OAT: variants seen among roughly 807,000 people sequenced by gnomAD.
The protein encoded by OAT is ornithine aminotransferase, mitochondrial.
OAT carries 35 observed loss-of-function variants against 48.4 expected under a neutral mutation model. The ratio of observed to expected loss-of-function variants is 0.72; its 90% CI spans 0.55 to 0.96. The LOEUF is 0.96. OAT is among the 40% of genes least tolerant of loss of function. OAT has a pLI of 0.00. For synonymous variants in OAT, 182 were observed against 198.4 expected, an observed-to-expected ratio of 0.92 and a Z score of 0.70; for missense variants, 438 against 537.9, an observed-to-expected ratio of 0.81 and a Z score of 1.84.
intron 5 of OAT, among the ~76,000 whole-genome samples, chr10:124,404,394 A>C (rs988454239): frequency 4.6e-5 from 7 of 151,642 alleles, no homozygotes; most frequent in Admixed American, 4.6e-4. Context: ...CAGCCTCCCA[A>C]GTAGCTGGGA....
At position 124,397,884 on chromosome 10, in the gene OAT, T is replaced by C; in HGVS notation, c.*58A>G. ...GTGCCCACATTAGGAATAAAGCTTT[T>C]ACAGGACCACCTGTCTCCAGCTGGC... On this transcript the variant is annotated 3_prime_UTR_variant, in exon 10 of 10. Transcript: ENST00000368845. The C allele has an allele frequency of 6.2e-7, 1 of 1,607,740 alleles. No homozygotes were observed. The highest frequency in any genetic ancestry group is 8.5e-7 in the Non-Finnish European group (1 of 1,175,130).
At chr10:124,413,580 G>A (rs1381596918) in intron 1 of OAT, among the ~76,000 whole-genome samples, 2 of 152,152 alleles carry the variant, frequency 1.3e-5, no homozygotes, top group Non-Finnish European at 2.9e-5. Context: ...CGACTCAGGA[G>A]GCTAAGGCAG....
At position 124,402,948 on chromosome 10, in the gene OAT, G is replaced by T; in HGVS notation, c.879C>A (p.Ala293=). 1.2e-6 allele frequency: 2 copies of T among 1,613,962 alleles called. No homozygotes were observed. Among genetic ancestry groups the T allele is most frequent in the Non-Finnish European group, 1.7e-6 (2 of 1,179,998 alleles). Residue 293 remains alanine, a synonymous_variant, in exon 7 of 10, where the codon GCC becomes GCA. Coordinates refer to ENST00000368845, the MANE Select transcript of OAT (RefSeq NM_000274.4). ...TTACAGGGTATAAGCCCCCAGAAAG[G>T]GCCTTTCCAAGGAGGACTATATCAG... ...VRPDIVLLGK[A]LSGGLYPVSA... is the part of the protein sequence containing the mutation.
At position 124,397,884 on chromosome 10, in the gene OAT, T is replaced by A; in HGVS notation, c.*58A>T. On this transcript the variant is annotated 3_prime_UTR_variant, in exon 10 of 10. Coordinates refer to ENST00000368845, the MANE Select transcript of OAT (RefSeq NM_000274.4). ...GTGCCCACATTAGGAATAAAGCTTT[T>A]ACAGGACCACCTGTCTCCAGCTGGC... 6.2e-7 allele frequency: 1 copy of A among 1,607,740 alleles called. No homozygotes were observed. The highest frequency in any genetic ancestry group is 8.5e-7 in the Non-Finnish European group (1 of 1,175,130).
intron 5 of OAT, among the ~76,000 whole-genome samples, chr10:124,404,872 T>A (rs1050674355): frequency 4.6e-5 from 7 of 152,112 alleles, no homozygotes; most frequent in African/African-American, 1.7e-4. Context: ...GGCGAAACCA[T>A]GTCTCTAAAG....
chr10:124,405,416 CTA>C lies in OAT; in HGVS notation c.648+18_648+19del. 6 of 1,613,286 alleles carry C rather than the reference CTA, an allele frequency of 3.7e-6. No individual in the cohort carries two copies. The highest frequency in any genetic ancestry group is 5.1e-6 in the Non-Finnish European group (6 of 1,179,346). On this transcript the variant is annotated intron_variant, in intron 5 of 9. Transcript: ENST00000368845. ...ATTTCTATTCCCAATGAGCTGAGCA[CTA>C]TGATGCTAGTGAAATACCTCCAGTG...
Position 124,406,177 on chromosome 10 carries a change from A to G in OAT, c.521-614T>C, listed in dbSNP as rs867392815. The G allele has an allele frequency of 7.7e-6, 7 of 909,794 alleles. No homozygotes were observed. In the South Asian group the frequency reaches 2.5e-4, roughly 33 times the overall value. The allele number at this position is 909,794 out of a possible 1,614,324, so 56.4% of individuals were successfully genotyped here. On this transcript the variant is annotated intron_variant, in intron 4 of 9. Transcript: ENST00000368845. Reference sequence around the variant, plus strand: ...TAATAAAGGTGACTGAGGATCTACTATGTCAGGCATTGTTTTAGATGTTGG... The same window carrying G: ...TAATAAAGGTGACTGAGGATCTACTGTGTCAGGCATTGTTTTAGATGTTGG...
At chr10:124,410,143 A>G (rs569162920) in intron 2 of OAT, among the ~76,000 whole-genome samples, 4 of 152,360 alleles carry the variant, frequency 2.6e-5, no homozygotes, top group South Asian at 4.1e-4. Context: ...TATTTGGTTA[A>G]GGCTGTTATT....
intron 2 of OAT, among the ~76,000 whole-genome samples, chr10:124,410,671 A>G (rs1434933591): frequency 2.6e-5 from 4 of 152,164 alleles, no homozygotes; most frequent in African/African-American, 9.7e-5. Flanking sequence ...GGTAAGGCAC[A>G]CCTGTAGTCC....
At position 124,397,895 on chromosome 10, in the gene OAT, C is replaced by A. The variant is rs1252239104; in HGVS notation, c.*47G>T. ...AGGAATAAAGCTTTTACAGGACCAC[C>A]TGTCTCCAGCTGGCTCCCAGGGACC... On this transcript the variant is annotated 3_prime_UTR_variant, in exon 10 of 10. Transcript: ENST00000368845. The A allele has an allele frequency of 1.9e-6, 3 of 1,611,490 alleles. No homozygotes were observed. The highest frequency in any genetic ancestry group is 2.5e-6 in the Non-Finnish European group (3 of 1,178,212).
intron 7 of OAT, among the ~76,000 whole-genome samples, chr10:124,402,723 A>G (rs566643278): frequency 1.3e-5 from 2 of 152,186 alleles, no homozygotes; most frequent in Non-Finnish European, 2.9e-5. Context: ...TCCAAGGCAC[A>G]CTCAATTCTT....
chr10:124,410,061 C>T (rs1951703974), intron 2 of OAT, among the ~76,000 whole-genome samples: 1 of 152,244 alleles, frequency 6.6e-6, no homozygotes, highest in South Asian at 2.1e-4. Context: ...AAAATACAAG[C>T]AAATGACCAA....
chr10:124,408,207 TA>T (rs943666952), intron 4 of OAT, among the ~76,000 whole-genome samples: 1 of 151,324 alleles, frequency 6.6e-6, no homozygotes, highest in African/African-American at 2.4e-5. Flanking sequence ...AGGCAAAACA[TA>T]TTACAAGTAT....
intron 6 of OAT, 141 bp from the exon 7 acceptor site, chr10:124,403,196 G>T: frequency 1.1e-6 from 1 of 883,160 alleles, no homozygotes; most frequent in Non-Finnish European, 1.8e-6. Context: ...TGTTTTAACT[G>T]CACACAATTT....
At position 124,405,565 on chromosome 10, in the gene OAT, T is replaced by TTCTGGAAACAA; in HGVS notation, c.521-3_521-2insTTGTTTCCAGA. 1 of 1,613,820 alleles carries TTCTGGAAACAA rather than the reference T, an allele frequency of 6.2e-7. No homozygotes were observed. Among genetic ancestry groups the TTCTGGAAACAA allele is most frequent in the Non-Finnish European group, 8.5e-7 (1 of 1,179,802 alleles). On this transcript the variant is annotated splice_region_variant and splice_polypyrimidine_tract_variant and intron_variant, in intron 4 of 9. Coordinates refer to ENST00000368845, the MANE Select transcript of OAT (RefSeq NM_000274.4). ...ACGTCCTACCCCAGAAGTTCCCAGC[T>TTCTGGAAACAA]ACAAAGGGGAAACAAACAGTGATTA...
intron 4 of OAT, among the ~76,000 whole-genome samples, chr10:124,408,184 C>T (rs1324657580): frequency 1.3e-5 from 2 of 151,412 alleles, no homozygotes; most frequent in African/African-American, 4.9e-5. Flanking sequence ...TCAGCAAATA[C>T]GTATCATGTA....
At chr10:124,402,519 T>C (rs187303728) in intron 7 of OAT, among the ~76,000 whole-genome samples, 1 of 152,350 alleles carries the variant, frequency 6.6e-6, no homozygotes, top group Admixed American at 6.5e-5. Context: ...TAGTAACAAT[T>C]ACTGGCTCTG....
At chr10:124,415,524 G>T (rs974992298) in intron 1 of OAT, among the ~76,000 whole-genome samples, 1 of 152,162 alleles carries the variant, frequency 6.6e-6, no homozygotes, top group African/African-American at 2.4e-5. Context: ...TCCTGTAAAC[G>T]CATTTCTATT....
At position 124,402,946 on chromosome 10, in the gene OAT, A is replaced by G; in HGVS notation, c.881T>C (p.Leu294Pro). 3 of 1,614,094 alleles carry G rather than the reference A, an allele frequency of 1.9e-6. No individual in the cohort carries two copies. Among genetic ancestry groups the G allele is most frequent in the Non-Finnish European group, 2.5e-6 (3 of 1,180,006 alleles). The change falls in exon 7 of 10, where the codon CTT (leucine) becomes CCT (proline). Residue 294 changes from leucine to proline, a missense_variant. Transcript: ENST00000368845. The stretch of plus-strand genomic sequence containing the variant: ...ACTTACAGGGTATAAGCCCCCAGAA[A>G]GGGCCTTTCCAAGGAGGACTATATC... ...RPDIVLLGKA[L>P]SGGLYPVSAV...
Sources: allele counts gnomAD v4.1 joint callset (sites outside exome capture counted in the v4.1 genomes callset), GRCh38; gene constraint gnomAD v4.1.1; transcripts MANE v1.5; gene names NCBI Gene and HGNC (gene_info 2026-07-23, HGNC 2026-07-21).